Variants in COLEC12 observed in about 807,000 individuals in gnomAD.
The protein encoded by COLEC12 is collectin-12.
Under a neutral mutation model 71.1 loss-of-function variants are expected in COLEC12, and 33 were observed. The observed-to-expected ratio is 0.46, with a 90% CI of 0.35 to 0.62. COLEC12 has a LOEUF of 0.62. COLEC12 is among the 20% of genes least tolerant of loss of function. The probability of loss-of-function intolerance (pLI) is 0.00; values close to 1 mark genes in which losing one functional copy is unlikely to be tolerated. For missense variants in COLEC12, 765 were observed against 916.1 expected, an observed-to-expected ratio of 0.84 and a Z score of 2.13; for synonymous variants, 350 against 353.0, an observed-to-expected ratio of 0.99 and a Z score of 0.10.
rs1263631595 is a variant in COLEC12, at chr18:319,337, A to ATATATATATATATAT, written c.*707_*708insATATATATATATATA. 4 of 36,424 alleles carry ATATATATATATATAT rather than the reference A, an allele frequency of 1.1e-4. No individual in the cohort carries two copies. Among genetic ancestry groups the ATATATATATATATAT allele is most frequent in the Non-Finnish European group, 3.0e-4 (4 of 13,356 alleles). 2.3% of individuals were successfully genotyped at this position (36,424 alleles called of 1,614,324 possible). ...ATGAAACATTAAAAAAAAAAAAAAA[A>ATATATATATATATAT]AAAAATATATATATATATATATATA... On this transcript the variant is annotated 3_prime_UTR_variant, in exon 10 of 10. Transcript: ENST00000400256.
At chr18:471,889 G>T (rs189025615) in intron 2 of COLEC12, among the ~76,000 whole-genome samples, 80 of 152,102 alleles carry the variant, frequency 5.3e-4, no homozygotes, top group African/African-American at 1.7e-3. Context: ...ACTCAACGTT[G>T]GTCAATGAGA....
intron 2 of COLEC12, among the ~76,000 whole-genome samples, chr18:412,074 C>T (rs1043170969): frequency 9.2e-5 from 14 of 151,978 alleles, no homozygotes; most frequent in South Asian, 2.1e-4. Context: ...TGAACACTTC[C>T]CAAATTTGGC....
At chr18:368,810 GA>G (rs1914926020) in intron 2 of COLEC12, among the ~76,000 whole-genome samples, 1 of 152,192 alleles carries the variant, frequency 6.6e-6, no homozygotes, top group Non-Finnish European at 1.5e-5. Context: ...AGCTTGCAGT[GA>G]GCCGAGATCA....
intron 2 of COLEC12, among the ~76,000 whole-genome samples, chr18:422,520 T>C (rs1892254912): frequency 6.6e-6 from 1 of 152,146 alleles, no homozygotes; most frequent in Non-Finnish European, 1.5e-5. Flanking sequence ...TGCATACTCA[T>C]TAAAAGAAAA....
rs373227938 is a variant in COLEC12, at chr18:331,713, C to T, written c.2018G>A (p.Arg673His). The change falls in exon 8 of 10, where the codon CGT becomes CAT. Residue 673 changes from arginine to histidine, a missense_variant. Coordinates refer to ENST00000400256, the MANE Select transcript of COLEC12 (RefSeq NM_130386.3). The stretch of plus-strand genomic sequence containing the variant: ...ATCCAGCCACTTCCATTCATTTTCA[C>T]GCTCTGAGTCTGTGAGGCCGATCCA... ...SHWIGLTDSERENEWKWLDGT... is the reference protein window; with the variant it reads ...SHWIGLTDSEHENEWKWLDGT... 94 of 1,613,822 alleles carry T rather than the reference C, an allele frequency of 5.8e-5. 1 individual carries two copies. The highest frequency in any genetic ancestry group is 5.0e-4 in the Admixed American group (30 of 59,998).
At chr18:456,950 C>T (rs888883418) in intron 2 of COLEC12, among the ~76,000 whole-genome samples, 2 of 152,186 alleles carry the variant, frequency 1.3e-5, no homozygotes, top group African/African-American at 4.8e-5. Flanking sequence ...GAAGTGCCAG[C>T]CCTCCCACTT....
chr18:455,276 C>T (rs34941409), intron 2 of COLEC12, among the ~76,000 whole-genome samples: 33,282 of 143,794 alleles, frequency 0.23, 3,915 homozygotes, highest in East Asian at 0.28. Flanking sequence ...TTTTATTTTA[C>T]GCTTTTTTTT....
At chr18:370,829 A>T (rs1356137211) in intron 2 of COLEC12, among the ~76,000 whole-genome samples, 1 of 152,156 alleles carries the variant, frequency 6.6e-6, no homozygotes. Context: ...TGGAAAAGCA[A>T]CTAGAAGCTC....
intron 2 of COLEC12, among the ~76,000 whole-genome samples, chr18:376,567 C>A (rs751925635): frequency 2.0e-5 from 3 of 152,168 alleles, no homozygotes; most frequent in Non-Finnish European, 2.9e-5. Context: ...CTTAAAAAAC[C>A]CATGACTGGA....
At position 346,543 on chromosome 18, in the gene COLEC12, A is replaced by C; in HGVS notation, c.1079T>G (p.Leu360Arg). 1 of 1,614,224 alleles carries C rather than the reference A, an allele frequency of 6.2e-7. No homozygotes were observed. Among genetic ancestry groups the C allele is most frequent in the Non-Finnish European group, 8.5e-7 (1 of 1,180,024 alleles). The change falls in exon 5 of 10, where the codon CTG becomes CGG. Residue 360 changes from leucine (L) to arginine (R), a missense_variant. Leu to Arg is a moderately radical substitution (Grantham distance 102). Transcript: ENST00000400256. This position sits in a 1 kb window ranked among gnomAD's most constrained non-coding sequence, Gnocchi z 4.0. The part of the protein sequence containing the change: ...ISYTAHHLRT[L>R]TSNLNEVRTT... Reference sequence around the variant, plus strand: ...CCTGACTTCATTTAGATTGCTGGTCAGCGTCCGCAGGTGGTGGGCTGTGTA... The same window carrying C: ...CCTGACTTCATTTAGATTGCTGGTCCGCGTCCGCAGGTGGTGGGCTGTGTA...
intron 2 of COLEC12, among the ~76,000 whole-genome samples, chr18:454,709 C>T (rs1314494421): frequency 6.6e-6 from 1 of 151,990 alleles, no homozygotes; most frequent in Non-Finnish European, 1.5e-5. Context: ...ACAGAATAGC[C>T]ACTCCTCTCT....
At chr18:422,859 T>C (rs1023637928) in intron 2 of COLEC12, among the ~76,000 whole-genome samples, 1 of 152,302 alleles carries the variant, frequency 6.6e-6, no homozygotes, top group East Asian at 1.9e-4. Context: ...AATTCCTACT[T>C]TGATTTTTTG....
chr18:397,771 C>G (rs919562943), intron 2 of COLEC12, among the ~76,000 whole-genome samples: 1 of 152,146 alleles, frequency 6.6e-6, no homozygotes, highest in Non-Finnish European at 1.5e-5. Flanking sequence ...GTACAAGTAT[C>G]CAGGTCCACT....
rs558988763 is a variant in COLEC12, at chr18:362,248, A to G, written c.59-4726T>C. Among the ~76,000 whole-genome samples, 92 of 152,264 alleles carry G rather than the reference A, an allele frequency of 6.0e-4. No homozygotes were observed. The highest frequency in any genetic ancestry group is 3.4e-3 in the Middle Eastern group (1 of 294). On this transcript the variant is annotated intron_variant, in intron 2 of 9. Transcript: ENST00000400256. This position sits in a 1 kb window ranked among gnomAD's most constrained non-coding sequence, Gnocchi z 4.6. The stretch of plus-strand genomic sequence containing the variant: ...GTGTGCATTTCTCACTGCTGACTCT[A>G]TCAGCATTTAATCAATATCAGATGG...
At chr18:454,886 T>A (rs188131541) in intron 2 of COLEC12, among the ~76,000 whole-genome samples, 54 of 152,372 alleles carry the variant, frequency 3.5e-4, no homozygotes, top group Non-Finnish European at 6.6e-4. Context: ...TGACAGATAC[T>A]CAATAAATAG....
At chr18:330,873 G>GTTTTTTTTT (rs60146586) in intron 8 of COLEC12, among the ~76,000 whole-genome samples, 11 of 133,766 alleles carry the variant, frequency 8.2e-5, no homozygotes, top group Non-Finnish European at 1.2e-4. Context: ...CACATTTGTA[G>GTTTTTTTTT]TTTTTTTTTT....
intron 2 of COLEC12, among the ~76,000 whole-genome samples, chr18:380,612 C>A (rs1915210200): frequency 6.6e-6 from 1 of 152,164 alleles, no homozygotes; most frequent in South Asian, 2.1e-4. Context: ...CACACACTCA[C>A]ACACACACGC....
At position 347,156 on chromosome 18, in the gene COLEC12, T is replaced by A. The variant is rs1914401132; in HGVS notation, c.466A>T (p.Thr156Ser). ...ATGAGGAAAGAGTTATTCTCCAAAGTTTCTTTCAATTGACTCTGCCTGTCC... is the reference window on the plus strand; with the variant it reads ...ATGAGGAAAGAGTTATTCTCCAAAGATTCTTTCAATTGACTCTGCCTGTCC... ...LVDRQSQLKE[T>S]LENNSFLITT... is the part of the protein sequence containing the mutation. The change falls in exon 5 of 10, where the codon ACT becomes TCT. Residue 156 changes from threonine (T) to serine (S), a missense_variant. Physicochemically the swap from Thr to Ser is moderately conservative, Grantham distance 58. Transcript: ENST00000400256. 1.2e-6 allele frequency: 2 copies of A among 1,614,210 alleles called. No homozygotes were observed. The highest frequency in any genetic ancestry group is 1.7e-6 in the Non-Finnish European group (2 of 1,180,024).
intron 1 of COLEC12, among the ~76,000 whole-genome samples, chr18:491,289 T>G (rs1040962686): frequency 6.6e-6 from 1 of 152,228 alleles, no homozygotes; most frequent in Non-Finnish European, 1.5e-5. Flanking sequence ...CCCTTGATGT[T>G]GCTGTGATAT....
Sources: allele counts gnomAD v4.1 joint callset (sites outside exome capture counted in the v4.1 genomes callset), GRCh38; gene constraint gnomAD v4.1.1; non-coding constraint Gnocchi (gnomAD v3.1); transcripts MANE v1.5; gene names NCBI Gene and HGNC (gene_info 2026-07-23, HGNC 2026-07-21).